CTNNA2: variants seen among roughly 807,000 people sequenced by gnomAD.
CTNNA2 encodes catenin alpha-2.
In CTNNA2, 42 loss-of-function variants were observed where a neutral mutation model predicts 101.0. The observed-to-expected ratio is 0.42, with a 90% CI of 0.32 to 0.54. CTNNA2 has a LOEUF of 0.54. Among genes scored for constraint, CTNNA2 ranks in the 20% least tolerant of loss-of-function variants. The pLI is 0.14. For missense variants in CTNNA2, 871 were observed against 1,223.1 expected, an observed-to-expected ratio of 0.71 and a Z score of 4.29; for synonymous variants, 450 against 456.4, an observed-to-expected ratio of 0.99 and a Z score of 0.18.
chr2:79,864,403 GATCCAGGTT>G (rs1409978175), intron 4 of CTNNA2, among the ~76,000 whole-genome samples: 1 of 152,152 alleles, frequency 6.6e-6, no homozygotes. Context: ...TGAACAGAGA[GATCCAGGTT>G]ATGGACAGTC....
rs1266515990 is a variant in CTNNA2, at chr2:79,727,826, T to C, written c.103-16561T>C. Among the ~76,000 whole-genome samples, 4 of 148,632 alleles carry C rather than the reference T, an allele frequency of 2.7e-5. No homozygotes were observed. The East Asian group carries it at 8.1e-4, about 30-fold the overall frequency. On this transcript the variant is annotated intron_variant, in intron 2 of 18. Coordinates refer to ENST00000402739, the MANE Select transcript of CTNNA2 (RefSeq NM_001282597.3). ...CCCACATATGAGTGAGAATATGCAG[T>C]GTTTGGTTTTTTGTTCTTGCGATAG...
At chr2:79,280,143 G>A (rs73938164) in intron 2 of CTNNA2, among the ~76,000 whole-genome samples, 120 of 152,142 alleles carry the variant, frequency 7.9e-4, no homozygotes, top group African/African-American at 2.7e-3. Context: ...CAAGGGATAC[G>A]GAGGTTCACC....
At chr2:80,281,508 C>A (rs2149161029) in intron 7 of CTNNA2, among the ~76,000 whole-genome samples, 1 of 152,230 alleles carries the variant, frequency 6.6e-6, no homozygotes, top group Admixed American at 6.5e-5. Context: ...AGGGCAATTT[C>A]TCCTTATGTC....
At position 79,904,633 on chromosome 2, in the gene CTNNA2, G is replaced by A. The variant is rs73938412; in HGVS notation, c.853-4961G>A. Among the ~76,000 whole-genome samples the A allele has an allele frequency of 7.2e-3, 1,093 of 152,178 alleles. 10 individuals carry two copies. Among genetic ancestry groups the A allele is most frequent in the African/African-American group, 0.025 (1,038 of 41,512 alleles). ...GAATGACCATGGGACAACATCTCTG[G>A]CATCATTTCCCTATTCAATAAGATG... On this transcript the variant is annotated intron_variant, in intron 6 of 18. Coordinates refer to ENST00000402739, the MANE Select transcript of CTNNA2 (RefSeq NM_001282597.3).
chr2:80,572,857 GTTTCGGTAA>G (rs951667085), intron 12 of CTNNA2: 10 of 152,134 alleles, frequency 6.6e-5, no homozygotes, highest in African/African-American at 2.4e-4. Flanking sequence ...GCATGCTGTG[GTTTCGGTAA>G]TTTCTACTAA....
At chr2:80,220,432 A>T (rs11684512) in intron 7 of CTNNA2, among the ~76,000 whole-genome samples, 1 of 152,162 alleles carries the variant, frequency 6.6e-6, no homozygotes, top group African/African-American at 2.4e-5. Context: ...TGCATTTTTT[A>T]AATTTTCAGC....
At chr2:79,875,107 A>G (rs1178710191) in intron 6 of CTNNA2, among the ~76,000 whole-genome samples, 2 of 152,186 alleles carry the variant, frequency 1.3e-5, no homozygotes, top group Non-Finnish European at 2.9e-5. Context: ...GTTCTCTGAA[A>G]GTCCTACATT....
intron 9 of CTNNA2, among the ~76,000 whole-genome samples, chr2:80,463,545 G>A (rs1351945698): frequency 6.6e-6 from 1 of 152,082 alleles, no homozygotes; most frequent in Non-Finnish European, 1.5e-5. Flanking sequence ...AGAATGTTTG[G>A]GAGTTTTCAT....
intron 6 of CTNNA2, among the ~76,000 whole-genome samples, chr2:79,900,394 C>T (rs1311566701): frequency 6.6e-6 from 1 of 152,112 alleles, no homozygotes; most frequent in African/African-American, 2.4e-5. Context: ...ATCAGTGCAT[C>T]AAAATAACAT....
intron 4 of CTNNA2, among the ~76,000 whole-genome samples, chr2:79,470,454 G>T (rs900358404): frequency 2.0e-5 from 3 of 152,194 alleles, no homozygotes; most frequent in Non-Finnish European, 4.4e-5. Flanking sequence ...ACAAAAGCAA[G>T]CAATTCAATA....
intron 2 of CTNNA2, among the ~76,000 whole-genome samples, chr2:79,663,635 C>T (rs555893482): frequency 6.6e-6 from 1 of 151,840 alleles, no homozygotes; most frequent in South Asian, 2.1e-4. Context: ...TCTGACCACT[C>T]TTTTTTTTTA....
intron 4 of CTNNA2, among the ~76,000 whole-genome samples, chr2:79,447,136 G>A (rs949408793): frequency 6.6e-5 from 10 of 151,938 alleles, no homozygotes; most frequent in African/African-American, 2.4e-4. Context: ...CCGGGTGTGT[G>A]TCCTTGTACC....
At chr2:79,193,272 G>A (rs1046790112) in intron 1 of CTNNA2, among the ~76,000 whole-genome samples, 2 of 152,050 alleles carry the variant, frequency 1.3e-5, no homozygotes, top group Admixed American at 6.5e-5. Context: ...ACAGTCACAT[G>A]CCTCATAATG....
At chr2:80,187,613 C>T (rs1706212683) in intron 7 of CTNNA2, among the ~76,000 whole-genome samples, 3 of 152,222 alleles carry the variant, frequency 2.0e-5, no homozygotes, top group South Asian at 4.1e-4. Context: ...AGGCCTTGGG[C>T]TACCATTGAA....
chr2:80,224,525 A>T (rs567311543), intron 7 of CTNNA2, among the ~76,000 whole-genome samples: 3 of 150,450 alleles, frequency 2.0e-5, no homozygotes, highest in African/African-American at 4.9e-5. Flanking sequence ...GCTCACTGCA[A>T]CCTCCATCTC....
chr2:80,315,415 G>T (rs961367572), intron 7 of CTNNA2, among the ~76,000 whole-genome samples: 1 of 152,288 alleles, frequency 6.6e-6, no homozygotes, highest in East Asian at 1.9e-4. Context: ...ATGATCAACT[G>T]GAAAATTAGC....
At chr2:79,818,405 C>T (rs571754191) in intron 3 of CTNNA2, among the ~76,000 whole-genome samples, 22 of 152,014 alleles carry the variant, frequency 1.4e-4, no homozygotes, top group Admixed American at 7.9e-4. Context: ...CTCTGCATTC[C>T]GGTTTCAAGT....
intron 7 of CTNNA2, among the ~76,000 whole-genome samples, chr2:80,235,305 C>A (rs2149082159): frequency 6.6e-6 from 1 of 152,296 alleles, no homozygotes; most frequent in Non-Finnish European, 1.5e-5. Context: ...AACAACACTG[C>A]AATTCTGTGT....
chr2:80,098,769 A>G (rs534178057), intron 7 of CTNNA2, among the ~76,000 whole-genome samples: 2 of 152,280 alleles, frequency 1.3e-5, no homozygotes, highest in South Asian at 2.1e-4. Context: ...TGTGCTAGCA[A>G]TGAGGGAGGC....
Sources: allele counts gnomAD v4.1 joint callset (sites outside exome capture counted in the v4.1 genomes callset), GRCh38; gene constraint gnomAD v4.1.1; transcripts MANE v1.5; gene names NCBI Gene and HGNC (gene_info 2026-07-23, HGNC 2026-07-21).